The following MAML2 variants were observed in gnomAD, a reference collection of about 807,000 sequenced individuals.
The protein encoded by MAML2 is mastermind like transcriptional coactivator 2.
Under a neutral mutation model 96.1 loss-of-function variants are expected in MAML2, and 22 were observed. The observed-to-expected ratio is 0.23, with a 90% confidence interval of 0.16 to 0.33. MAML2 has a LOEUF of 0.33. MAML2 is among the 10% of genes least tolerant of loss of function. The pLI is 1.00. For synonymous variants in MAML2, 561 were observed against 521.3 expected, an observed-to-expected ratio of 1.08 and a Z score of -1.04; for missense variants, 1,367 against 1,392.4, an observed-to-expected ratio of 0.98 and a Z score of 0.29.
At chr11:95,987,934 G>A (rs1857853058) in intron 3 of MAML2, among the ~76,000 whole-genome samples, 1 of 152,170 alleles carries the variant, frequency 6.6e-6, no homozygotes, top group Non-Finnish European at 1.5e-5. Flanking sequence ...GAAACAGCTT[G>A]AGATGTTCCA....
At chr11:96,047,842 G>A (rs1182363413) in intron 2 of MAML2, among the ~76,000 whole-genome samples, 2 of 148,320 alleles carry the variant, frequency 1.3e-5, no homozygotes, top group African/African-American at 5.0e-5. Context: ...AACCCAGGAG[G>A]CGGAGGTTGC....
At position 96,317,642 on chromosome 11, in the gene MAML2, G is replaced by A. The variant is rs1047946912; in HGVS notation, c.513+23741C>T. On this transcript the variant is annotated intron_variant, in intron 1 of 4. Coordinates refer to ENST00000524717, the MANE Select transcript of MAML2 (RefSeq NM_032427.4). ...ACTCCAGGAAAGAAAATGACAAGAG[G>A]AACTGAAAATAGGGCTGCAGGCTGC... is the stretch of plus-strand genomic sequence containing the variant. Among the ~76,000 whole-genome samples, 4 of 152,298 alleles carry A rather than the reference G, an allele frequency of 2.6e-5. No homozygotes were observed. In the South Asian group the frequency reaches 8.3e-4, roughly 32 times the overall value.
chr11:96,295,068 A>C (rs932279243), intron 1 of MAML2, among the ~76,000 whole-genome samples: 1 of 152,270 alleles, frequency 6.6e-6, no homozygotes, highest in African/African-American at 2.4e-5. Flanking sequence ...CACATTTTCA[A>C]ATGATCTTGC....
At chr11:96,293,017 G>A (rs1565275405) in intron 1 of MAML2, among the ~76,000 whole-genome samples, 1 of 152,038 alleles carries the variant, frequency 6.6e-6, no homozygotes. Context: ...ATAGTATACT[G>A]TCTTTCAAAT....
At chr11:96,100,013 T>C (rs565373572) in intron 1 of MAML2, among the ~76,000 whole-genome samples, 2 of 152,146 alleles carry the variant, frequency 1.3e-5, no homozygotes, top group African/African-American at 4.8e-5. Flanking sequence ...GTGAAGAAAA[T>C]GTATTGTCAC....
In MAML2 at chr11:96,265,239, C is replaced by T. The variant is rs571867126; in HGVS notation, c.513+76144G>A. Among the ~76,000 whole-genome samples, 20 of 152,200 alleles carry T rather than the reference C, an allele frequency of 1.3e-4. No homozygotes were observed. In the East Asian group the frequency reaches 1.9e-3, roughly 15 times the overall value. ...TGGACAGAAAAGTGGCTGGCTTTAG[C>T]GCGGGGAGGACGAGGGGAGAGTTGG... is the stretch of plus-strand genomic sequence containing the variant. On this transcript the variant is annotated intron_variant, in intron 1 of 4. Coordinates refer to ENST00000524717, the MANE Select transcript of MAML2 (RefSeq NM_032427.4).
At chr11:96,251,879 C>T (rs925455963) in intron 1 of MAML2, among the ~76,000 whole-genome samples, 6 of 151,750 alleles carry the variant, frequency 4.0e-5, no homozygotes, top group Non-Finnish European at 7.4e-5. Flanking sequence ...CTACAGGCGC[C>T]GGCCACCACG....
intron 1 of MAML2, among the ~76,000 whole-genome samples, chr11:96,219,127 C>A (rs186677371): frequency 6.6e-6 from 1 of 152,318 alleles, no homozygotes; most frequent in Admixed American, 6.5e-5. Flanking sequence ...CCAGTCCCTT[C>A]TTTAAAGTAT....
At chr11:96,218,747 A>T (rs1175458073) in intron 1 of MAML2, among the ~76,000 whole-genome samples, 2 of 152,240 alleles carry the variant, frequency 1.3e-5, no homozygotes, top group Admixed American at 6.5e-5. Flanking sequence ...TAGGTTGCCA[A>T]ATAAAATGTA....
chr11:96,162,072 C>A (rs1019832621), intron 1 of MAML2, among the ~76,000 whole-genome samples: 5 of 152,068 alleles, frequency 3.3e-5, no homozygotes, highest in Non-Finnish European at 7.3e-5. Flanking sequence ...ACATCCCAGA[C>A]CCCAGCCTCT....
chr11:96,126,600 T>C (rs1055873737), intron 1 of MAML2, among the ~76,000 whole-genome samples: 3 of 152,074 alleles, frequency 2.0e-5, no homozygotes, highest in African/African-American at 7.2e-5. Context: ...AAGCAAGTAC[T>C]GTATCCGGAT....
At chr11:96,152,914 G>A (rs566424018) in intron 1 of MAML2, among the ~76,000 whole-genome samples, 1 of 152,176 alleles carries the variant, frequency 6.6e-6, no homozygotes, top group Non-Finnish European at 1.5e-5. Context: ...CAAGGGAAAT[G>A]CTCCATCTAT....
At chr11:96,289,788 C>G (rs527293577) in intron 1 of MAML2, among the ~76,000 whole-genome samples, 1 of 152,060 alleles carries the variant, frequency 6.6e-6, no homozygotes, top group Non-Finnish European at 1.5e-5. Flanking sequence ...TCTCAGTGAA[C>G]TGGGTATACA....
intron 3 of MAML2, among the ~76,000 whole-genome samples, chr11:95,989,895 G>C (rs1857884510): frequency 6.6e-6 from 1 of 152,082 alleles, no homozygotes. Flanking sequence ...TAAAAGTGTG[G>C]TTGTTATACT....
intron 1 of MAML2, among the ~76,000 whole-genome samples, chr11:96,158,717 G>A (rs932182602): frequency 6.6e-6 from 1 of 152,108 alleles, no homozygotes; most frequent in African/African-American, 2.4e-5. Context: ...CTGCCTGAAG[G>A]CCCCCTAGCT....
chr11:96,095,148 C>G (rs946606691), intron 1 of MAML2, among the ~76,000 whole-genome samples: 1 of 152,126 alleles, frequency 6.6e-6, no homozygotes, highest in African/African-American at 2.4e-5. Context: ...GTCATTTACA[C>G]TCTAACATGC....
intron 2 of MAML2, among the ~76,000 whole-genome samples, chr11:95,995,715 C>T (rs1857979286): frequency 6.6e-6 from 1 of 152,162 alleles, no homozygotes; most frequent in African/African-American, 2.4e-5. Flanking sequence ...ATGTTTGAAA[C>T]ACAAATTGCT....
intron 1 of MAML2, among the ~76,000 whole-genome samples, chr11:96,229,870 G>A (rs1250841133): frequency 1.3e-5 from 2 of 152,104 alleles, no homozygotes; most frequent in Admixed American, 6.6e-5. Context: ...AAGCAGGAAG[G>A]TGGGTGTGGA....
At chr11:96,047,398 C>A (rs1247829460) in intron 2 of MAML2, among the ~76,000 whole-genome samples, 2 of 152,146 alleles carry the variant, frequency 1.3e-5, no homozygotes, top group Non-Finnish European at 2.9e-5. Context: ...ACTGAATTCT[C>A]TAAGCTTCAG....
Sources: allele counts gnomAD v4.1 joint callset (sites outside exome capture counted in the v4.1 genomes callset), GRCh38; gene constraint gnomAD v4.1.1; transcripts MANE v1.5; gene names NCBI Gene and HGNC (gene_info 2026-07-23, HGNC 2026-07-21).